SAMHD1: variants seen among roughly 807,000 people sequenced by gnomAD.
SAMHD1 encodes SAM and HD domain containing deoxynucleoside triphosphate triphosphohydrolase 1.
SAMHD1 carries 54 observed loss-of-function variants against 79.6 expected under a neutral mutation model. The ratio of observed to expected loss-of-function variants is 0.68; its 90% confidence interval spans 0.55 to 0.85. The LOEUF is 0.85. Among genes scored for constraint, SAMHD1 ranks in the 40% least tolerant of loss-of-function variants. The pLI is 0.00. For synonymous variants in SAMHD1, 260 were observed against 264.1 expected (o/e 0.98, Z 0.15); for missense variants, 663 against 782.7 (o/e 0.85, Z 1.82).
intron 1 of SAMHD1, among the ~76,000 whole-genome samples, chr20:36,947,310 G>GGGGTGT (rs368105196): frequency 1.2e-5 from 1 of 85,090 alleles, no homozygotes; most frequent in Non-Finnish European, 2.3e-5. Context: ...ATTTGGAAGA[G>GGGGTGT]GTGTGTGTGT....
intron 1 of SAMHD1, among the ~76,000 whole-genome samples, chr20:36,949,814 T>C (rs1189014781): frequency 7.4e-6 from 1 of 134,250 alleles, no homozygotes; most frequent in Non-Finnish European, 1.6e-5. Context: ...TTTTATATGA[T>C]AAAGGACGGG....
rs117570585 is a variant in SAMHD1 at position 36,910,648 on chromosome 20, G to A, written c.1270+570C>T. 2.1e-4 allele frequency among the ~76,000 whole-genome samples: 32 copies of A among 149,734 alleles called. No homozygotes were observed. In the East Asian group the frequency reaches 6.4e-3, roughly 30 times the overall value. On this transcript the variant is annotated intron_variant, in intron 11 of 15. Coordinates refer to ENST00000646673, the MANE Select transcript of SAMHD1 (RefSeq NM_015474.4). ...AGGAGACTGAGGCAGGAGAATTGCT[G>A]AAACCCAAGAGGTGGAGGTTGCAGT...
chr20:36,901,012 T>C (rs1990295844), intron 13 of SAMHD1, among the ~76,000 whole-genome samples: 1 of 152,110 alleles, frequency 6.6e-6, no homozygotes, highest in Non-Finnish European at 1.5e-5. Context: ...AAATAGACAG[T>C]TATCATTTAT....
intron 11 of SAMHD1, 43 bp downstream of exon 11, chr20:36,911,175 G>C: frequency 8.3e-7 from 1 of 1,197,946 alleles, no homozygotes. Flanking sequence ...ACTTCTTACA[G>C]TTTATCTGAG....
chr20:36,914,733 G>A (rs954134275), intron 9 of SAMHD1, among the ~76,000 whole-genome samples: 9 of 151,654 alleles, frequency 5.9e-5, no homozygotes, highest in Admixed American at 3.9e-4. Flanking sequence ...TAGATGGGGC[G>A]TGGCGGCTCA....
intron 6 of SAMHD1, among the ~76,000 whole-genome samples, chr20:36,924,866 T>C (rs1215252946): frequency 6.6e-6 from 1 of 151,940 alleles, no homozygotes; most frequent in Non-Finnish European, 1.5e-5. Flanking sequence ...TATTAAAAAA[T>C]TAGATTTCTC....
At chr20:36,935,415 G>A (rs2063596693) in intron 3 of SAMHD1, 1 of 544,026 alleles carries the variant, frequency 1.8e-6, no homozygotes, top group Admixed American at 3.2e-5. Flanking sequence ...TAATGGATGT[G>A]AATAACAGAA....
chr20:36,920,185 G>A (rs2063496582), intron 6 of SAMHD1, among the ~76,000 whole-genome samples: 1 of 151,996 alleles, frequency 6.6e-6, no homozygotes, highest in Non-Finnish European at 1.5e-5. Context: ...GTGATCATGG[G>A]GTCACTGTAG....
At chr20:36,941,015 CA>C (rs1478073126) in intron 3 of SAMHD1, 23 bp downstream of exon 3, 14 of 1,571,846 alleles carry the variant, frequency 8.9e-6, no homozygotes, top group Non-Finnish European at 9.6e-6. Context: ...ATTCAAAAAA[CA>C]TAACAAACTC....
chr20:36,926,263 A>T (rs2063535715), intron 6 of SAMHD1, among the ~76,000 whole-genome samples: 1 of 152,206 alleles, frequency 6.6e-6, no homozygotes, highest in South Asian at 2.1e-4. Context: ...AAAAGGATCA[A>T]CTACTGAGGC....
At chr20:36,910,512 A>C (rs957976952) in intron 11 of SAMHD1, among the ~76,000 whole-genome samples, 3 of 151,958 alleles carry the variant, frequency 2.0e-5, no homozygotes, top group Non-Finnish European at 4.4e-5. Context: ...GGTGGATCAC[A>C]TGAGGTCAGG....
intron 2 of SAMHD1, among the ~76,000 whole-genome samples, chr20:36,942,752 T>TTC (rs2063655364): frequency 6.6e-6 from 1 of 152,036 alleles, no homozygotes; most frequent in Admixed American, 6.6e-5. Context: ...GTTCACGCCA[T>TTC]TCTCCCGCCT....
chr20:36,912,177 A>G (rs2148365553), intron 10 of SAMHD1: 1 of 433,618 alleles, frequency 2.3e-6, no homozygotes, highest in Non-Finnish European at 4.3e-6. Flanking sequence ...CGAGGTCCTG[A>G]GTGATCTCAG....
intron 11 of SAMHD1, among the ~76,000 whole-genome samples, chr20:36,905,740 G>A (rs1453275602): frequency 6.6e-6 from 1 of 152,144 alleles, no homozygotes; most frequent in African/African-American, 2.4e-5. Context: ...AGAGGCCGAG[G>A]CGGGCGGATC....
chr20:36,908,223 A>AT (rs1218180488), intron 11 of SAMHD1, among the ~76,000 whole-genome samples: 1 of 150,188 alleles, frequency 6.7e-6, no homozygotes, highest in Non-Finnish European at 1.5e-5. Context: ...TTGTAATTTA[A>AT]TTTTTAAATT....
intron 13 of SAMHD1, among the ~76,000 whole-genome samples, chr20:36,898,910 CA>C (rs57902699): frequency 0.34 from 23,834 of 69,578 alleles, 1,514 homozygotes; most frequent in African/African-American, 0.39. Flanking sequence ...GACTCTGACT[CA>C]AAAAAAAAAA....
intron 3 of SAMHD1, chr20:36,940,616 T>C: frequency 4.1e-6 from 1 of 245,826 alleles, no homozygotes. Context: ...GAAGGATCAC[T>C]TGAGCCAGGG....
chr20:36,910,053 T>C (rs547438488), intron 11 of SAMHD1, among the ~76,000 whole-genome samples: 4 of 151,518 alleles, frequency 2.6e-5, no homozygotes, highest in African/African-American at 9.7e-5. Flanking sequence ...TGAAACCCCA[T>C]CTCTACTAAA....
At chr20:36,895,394 T>G (rs1475081007) in intron 15 of SAMHD1, among the ~76,000 whole-genome samples, 1 of 151,994 alleles carries the variant, frequency 6.6e-6, no homozygotes, top group African/African-American at 2.4e-5. Flanking sequence ...CAAGACCAGC[T>G]AAATCCTCCT....
Sources: allele counts gnomAD v4.1 joint callset (sites outside exome capture counted in the v4.1 genomes callset), GRCh38; gene constraint gnomAD v4.1.1; transcripts MANE v1.5; gene names NCBI Gene and HGNC (gene_info 2026-07-23, HGNC 2026-07-21).